ZNF69: variants seen among roughly 807,000 people sequenced by gnomAD.
The protein encoded by ZNF69 is ZNF3.
ZNF69 carries 47 observed loss-of-function variants against 50.9 expected under a neutral mutation model. That is an observed-to-expected ratio of 0.92 (90% CI 0.73 to 1.18). ZNF69 has a LOEUF of 1.18. Ranked by LOEUF, ZNF69 falls within the 50% of genes most tolerant of loss-of-function variation. The pLI is 0.00. For synonymous variants in ZNF69, 216 were observed against 223.1 expected, an observed-to-expected ratio of 0.97 and a Z score of 0.29; for missense variants, 717 against 675.1, an observed-to-expected ratio of 1.06 and a Z score of -0.69.
the ZNF69 span, among the ~76,000 whole-genome samples, chr19:11,975,595 C>T: frequency 6.6e-6 from 1 of 151,330 alleles, no homozygotes; most frequent in Admixed American, 6.6e-5. Context: ...GACAGGGTTT[C>T]ACTGTGTCGA....
At chr19:11,955,266 A>G in the ZNF69 span, among the ~76,000 whole-genome samples, 1 of 152,002 alleles carries the variant, frequency 6.6e-6, no homozygotes, top group African/African-American at 2.4e-5. Context: ...GCATCCGAAA[A>G]TGCTGGGATA....
At chr19:11,970,902 G>A in the ZNF69 span, among the ~76,000 whole-genome samples, 1,926 of 152,220 alleles carry the variant, frequency 0.013, 21 homozygotes, top group South Asian at 0.024. Context: ...TTGCCCTCCA[G>A]CCTGGGCAAG....
At chr19:11,888,448 T>C (rs1568269930) in intron 1 of ZNF69, among the ~76,000 whole-genome samples, 1 of 152,212 alleles carries the variant, frequency 6.6e-6, no homozygotes, top group Non-Finnish European at 1.5e-5. Flanking sequence ...CACCCAGTCC[T>C]GGCTTGTGGT....
At chr19:11,966,193 T>A in the ZNF69 span, among the ~76,000 whole-genome samples, 1 of 152,182 alleles carries the variant, frequency 6.6e-6, no homozygotes, top group South Asian at 2.1e-4. Context: ...TCCAGTCAGA[T>A]AATGTCTGTT....
chr19:11,950,281 A>C, the ZNF69 span: 1 of 1,587,076 alleles, frequency 6.3e-7, no homozygotes, highest in African/African-American at 1.4e-5. Flanking sequence ...ACATGAATAG[A>C]CTCACACTGG....
chr19:11,948,749 G>T, the ZNF69 span: 1 of 1,612,066 alleles, frequency 6.2e-7, no homozygotes, highest in Non-Finnish European at 8.5e-7. Flanking sequence ...ATCCATGAAA[G>T]AACTCACACT....
chr19:11,907,246 C>G (rs2145246747), downstream of ZNF69, among the ~76,000 whole-genome samples: 1 of 152,284 alleles, frequency 6.6e-6, no homozygotes, highest in Non-Finnish European at 1.5e-5. Flanking sequence ...TTGGGAAACA[C>G]TCTTCAGGAT....
chr19:11,902,035 G>A (rs368193258), intron 1 of ZNF69, among the ~76,000 whole-genome samples: 3 of 135,364 alleles, frequency 2.2e-5, no homozygotes, highest in African/African-American at 2.8e-5. Context: ...AGGCTGAAGT[G>A]CAATGGTGCA....
chr19:11,955,886 C>G, the ZNF69 span, among the ~76,000 whole-genome samples: 1 of 152,012 alleles, frequency 6.6e-6, no homozygotes, highest in East Asian at 1.9e-4. Flanking sequence ...GTAGTATGTG[C>G]TTTGTTATGG....
At chr19:11,960,691 T>G in the ZNF69 span, among the ~76,000 whole-genome samples, 1 of 152,144 alleles carries the variant, frequency 6.6e-6, no homozygotes. Flanking sequence ...TAACCAAGGT[T>G]ATTCTGTTTT....
the ZNF69 span, among the ~76,000 whole-genome samples, chr19:11,946,311 G>A: frequency 6.6e-6 from 1 of 152,168 alleles, no homozygotes; most frequent in Non-Finnish European, 1.5e-5. Flanking sequence ...GTCCAGAGGA[G>A]GCACAGGTGC....
the ZNF69 span, chr19:11,965,339 C>A: frequency 7.6e-7 from 1 of 1,316,464 alleles, no homozygotes; most frequent in Non-Finnish European, 1.1e-6. Flanking sequence ...CCTCCTGGAG[C>A]TGCTCGGCCC....
the ZNF69 span, among the ~76,000 whole-genome samples, chr19:11,927,033 A>G: frequency 1.3e-5 from 2 of 152,154 alleles, no homozygotes; most frequent in Admixed American, 1.3e-4. Flanking sequence ...GACGAGTCAC[A>G]AAGTGCAGTG....
At chr19:11,962,604 C>T in the ZNF69 span, among the ~76,000 whole-genome samples, 1 of 152,026 alleles carries the variant, frequency 6.6e-6, no homozygotes, top group Non-Finnish European at 1.5e-5. Flanking sequence ...CAAGTGACCC[C>T]CCCCCACCTC....
downstream of ZNF69, among the ~76,000 whole-genome samples, chr19:11,909,670 A>G (rs922712657): frequency 1.3e-5 from 2 of 152,214 alleles, no homozygotes; most frequent in Non-Finnish European, 2.9e-5. Context: ...GATGTATCTC[A>G]AAATAATAAG....
At chr19:11,975,499 G>A in the ZNF69 span, among the ~76,000 whole-genome samples, 1 of 152,054 alleles carries the variant, frequency 6.6e-6, no homozygotes, top group East Asian at 1.9e-4. Flanking sequence ...CCGGGTTCAC[G>A]CCATTCTCCT....
the ZNF69 span, among the ~76,000 whole-genome samples, chr19:11,970,166 G>A: frequency 5.9e-5 from 9 of 152,200 alleles, no homozygotes; most frequent in Middle Eastern, 3.2e-3. Context: ...TGGCTGTTCT[G>A]CCAATCGGAT....
chr19:11,941,549 C>T, the ZNF69 span, among the ~76,000 whole-genome samples: 2 of 152,238 alleles, frequency 1.3e-5, no homozygotes, highest in South Asian at 2.1e-4. Flanking sequence ...GTGCTAAGCC[C>T]CTCATTGCCC....
At chr19:11,950,473 G>T in the ZNF69 span, 1 of 680,602 alleles carries the variant, frequency 1.5e-6, no homozygotes, top group South Asian at 1.7e-5. Context: ...GAAACCCTAT[G>T]AGTGTATTCT....
Sources: allele counts gnomAD v4.1 joint callset (sites outside exome capture counted in the v4.1 genomes callset), GRCh38; gene constraint gnomAD v4.1.1; transcripts MANE v1.5; gene names NCBI Gene and HGNC (gene_info 2026-07-23, HGNC 2026-07-21).